Variants in CCSER1 observed in about 807,000 individuals in gnomAD.
The protein encoded by CCSER1 is coiled-coil serine rich protein 1, also known as serine-rich coiled-coil domain-containing protein 1.
A neutral mutation model predicts 82.0 loss-of-function variants in CCSER1; 41 were observed. The observed-to-expected ratio is 0.50, with a 90% confidence interval of 0.39 to 0.65. The LOEUF (loss-of-function observed/expected upper bound fraction) is 0.65, where lower values mean the gene tolerates loss of function less well. Among genes scored for constraint, CCSER1 ranks in the 30% least tolerant of loss-of-function variants. The pLI, the probability that CCSER1 is intolerant of heterozygous loss-of-function variation, is 0.00. For missense variants in CCSER1, 1,119 were observed against 1,064.2 expected (o/e 1.05, Z -0.72); for synonymous variants, 414 against 383.9 (o/e 1.08, Z -0.92).
intron 10 of CCSER1, among the ~76,000 whole-genome samples, chr4:91,492,957 C>T (rs540994854): frequency 6.6e-6 from 1 of 152,130 alleles, no homozygotes; most frequent in East Asian, 1.9e-4. Context: ...CATGAGTTCT[C>T]ATTTTACATA....
chr4:91,424,242 C>T (rs905014064), intron 10 of CCSER1, among the ~76,000 whole-genome samples: 9 of 151,502 alleles, frequency 5.9e-5, no homozygotes, highest in African/African-American at 1.9e-4. Context: ...TGGTCTCGAT[C>T]TCCTGACCTC....
rs1486836464 is a variant in CCSER1, at chr4:91,604,239, G to A, written c.*5182G>A. 1 of 151,962 alleles carries A rather than the reference G, an allele frequency of 6.6e-6. No individual in the cohort carries two copies. Among genetic ancestry groups the A allele is most frequent in the African/African-American group, 2.4e-5 (1 of 41,398 alleles). The allele number at this position is 151,962 out of a possible 1,614,324, so 9.4% of individuals were successfully genotyped here. A position where few individuals can be genotyped will look rare whatever the true frequency, so the allele number is the denominator to read the frequency against. On this transcript the variant is annotated 3_prime_UTR_variant, in exon 11 of 11. Coordinates refer to ENST00000509176, the MANE Select transcript of CCSER1 (RefSeq NM_001145065.2). ...TATATCATGCTTATCTCCAGAATAG[G>A]ATCTCTCCTAAGGAGGCAGAGTGAT...
At chr4:91,031,699 G>A (rs899117156) in intron 9 of CCSER1, among the ~76,000 whole-genome samples, 19 of 151,954 alleles carry the variant, frequency 1.3e-4, no homozygotes, top group African/African-American at 4.3e-4. Flanking sequence ...GAATTACCTG[G>A]TTTTCTGAGA....
chr4:90,847,478 G>C (rs1763359098), intron 8 of CCSER1, among the ~76,000 whole-genome samples: 1 of 152,048 alleles, frequency 6.6e-6, no homozygotes, highest in East Asian at 1.9e-4. Flanking sequence ...GAACTTTTAT[G>C]ATTTCATTTC....
intron 5 of CCSER1, among the ~76,000 whole-genome samples, chr4:90,562,308 ACT>A (rs912445566): frequency 2.6e-5 from 4 of 151,828 alleles, no homozygotes; most frequent in African/African-American, 7.3e-5. Flanking sequence ...TCATTAGTAG[ACT>A]CTGACACATT....
chr4:90,822,662 A>C (rs1480388628), intron 8 of CCSER1, among the ~76,000 whole-genome samples: 2 of 140,014 alleles, frequency 1.4e-5, no homozygotes, highest in African/African-American at 5.3e-5. Flanking sequence ...TGGGAGGCGG[A>C]GGCTGCAGTG....
At position 90,271,862 on chromosome 4, in the gene CCSER1, A is replaced by AT. The variant is rs1176154331; in HGVS notation, c.-41-36354dup. ...TATATATATATATATATATATATAT[A>AT]TTTTTTTTTTTTTTTTTTTTTTTTT... On this transcript the variant is annotated intron_variant, in intron 1 of 10. Transcript: ENST00000509176. 9.9e-3 allele frequency among the ~76,000 whole-genome samples: 216 copies of AT among 21,726 alleles called. 16 individuals carry two copies. The highest frequency in any genetic ancestry group is 0.012 in the Non-Finnish European group (163 of 14,126). 14.3% of individuals were successfully genotyped at this position (21,726 alleles called of 152,430 possible).
chr4:91,003,567 T>C (rs1002918882), intron 9 of CCSER1, among the ~76,000 whole-genome samples: 3 of 152,120 alleles, frequency 2.0e-5, no homozygotes, highest in African/African-American at 7.2e-5. Flanking sequence ...ACTCCCACTG[T>C]GCCCCCTCCA....
At chr4:91,231,574 A>G (rs1738629830) in intron 10 of CCSER1, among the ~76,000 whole-genome samples, 1 of 151,772 alleles carries the variant, frequency 6.6e-6, no homozygotes, top group Non-Finnish European at 1.5e-5. Context: ...TATTGTGAGG[A>G]AAAGATAGAT....
intron 9 of CCSER1, among the ~76,000 whole-genome samples, chr4:91,081,754 T>C (rs988235576): frequency 1.3e-5 from 2 of 152,124 alleles, no homozygotes; most frequent in African/African-American, 4.8e-5. Flanking sequence ...TCACAAGCAT[T>C]CTTATACACC....
intron 10 of CCSER1, among the ~76,000 whole-genome samples, chr4:91,375,031 G>A (rs1367438427): frequency 1.3e-5 from 2 of 152,102 alleles, no homozygotes; most frequent in African/African-American, 4.8e-5. Flanking sequence ...GGCTATAGCT[G>A]CCATCAATAG....
chr4:91,342,637 A>C (rs1747794597), intron 10 of CCSER1, among the ~76,000 whole-genome samples: 1 of 152,142 alleles, frequency 6.6e-6, no homozygotes, highest in African/African-American at 2.4e-5. Context: ...ATTTTGTGTT[A>C]GTAACTCAGT....
chr4:90,774,256 G>T (rs2149579344), intron 7 of CCSER1, among the ~76,000 whole-genome samples: 1 of 152,122 alleles, frequency 6.6e-6, no homozygotes, highest in African/African-American at 2.4e-5. Flanking sequence ...CTGTGAAATT[G>T]ATTTATACTT....
chr4:90,637,973 G>T (rs1012231875), intron 6 of CCSER1, among the ~76,000 whole-genome samples: 19 of 152,254 alleles, frequency 1.2e-4, no homozygotes, highest in African/African-American at 4.1e-4. Flanking sequence ...TTTTGGGGTT[G>T]CCTGTGAACC....
At chr4:90,468,427 A>G (rs1763917594) in intron 5 of CCSER1, 73 bp downstream of exon 5, 6 of 1,332,570 alleles carry the variant, frequency 4.5e-6, no homozygotes, top group Non-Finnish European at 6.2e-6. Context: ...GTGATTTATA[A>G]TAAATGTGTT....
In CCSER1 at chr4:91,430,262, C is replaced by T. The variant is rs553348317; in HGVS notation, c.2218-168310C>T. Among the ~76,000 whole-genome samples the T allele has an allele frequency of 1.7e-4, 26 of 152,224 alleles. No individual in the cohort carries two copies. In the East Asian group the frequency reaches 5.0e-3, roughly 29 times the overall value. On this transcript the variant is annotated intron_variant, in intron 10 of 10. Transcript: ENST00000509176. ...TAGTATTTCAGTCATTGTGTTTAAA[C>T]TTGTGCCTGTGTGTGAATATAGTGG...
intron 1 of CCSER1, among the ~76,000 whole-genome samples, chr4:90,227,649 C>G (rs2153424921): frequency 6.6e-6 from 1 of 152,306 alleles, no homozygotes; most frequent in African/African-American, 2.4e-5. Flanking sequence ...CAGCTCTGGT[C>G]TACAGCTCCC....
intron 5 of CCSER1, among the ~76,000 whole-genome samples, chr4:90,473,020 A>G (rs1764599587): frequency 6.6e-6 from 1 of 152,144 alleles, no homozygotes; most frequent in Admixed American, 6.5e-5. Context: ...ACAGAGGGGA[A>G]TTATAAATTT....
intron 5 of CCSER1, among the ~76,000 whole-genome samples, chr4:90,493,981 A>G (rs1370141178): frequency 1.3e-5 from 2 of 152,220 alleles, no homozygotes; most frequent in Non-Finnish European, 2.9e-5. Context: ...AATTGGATAA[A>G]GAGTCAAGAC....
Sources: allele counts gnomAD v4.1 joint callset (sites outside exome capture counted in the v4.1 genomes callset), GRCh38; gene constraint gnomAD v4.1.1; transcripts MANE v1.5; gene names NCBI Gene and HGNC (gene_info 2026-07-23, HGNC 2026-07-21).